Variants in CNTN5 observed in about 807,000 individuals in gnomAD.
CNTN5 encodes the protein contactin-5.
CNTN5 carries 77 observed loss-of-function variants against 129.1 expected under a neutral mutation model. The ratio of observed to expected loss-of-function variants is 0.60; its 90% CI spans 0.50 to 0.72. CNTN5 has a LOEUF of 0.72. CNTN5 is among the 30% of genes least tolerant of loss of function. CNTN5 has a pLI of 0.00. For synonymous variants in CNTN5, 509 were observed against 465.6 expected, an observed-to-expected ratio of 1.09 and a Z score of -1.20; for missense variants, 1,478 against 1,328.8, an observed-to-expected ratio of 1.11 and a Z score of -1.75.
At chr11:99,258,337 T>G (rs1028027811) in intron 1 of CNTN5, among the ~76,000 whole-genome samples, 13 of 151,994 alleles carry the variant, frequency 8.6e-5, no homozygotes, top group Non-Finnish European at 7.4e-5. Context: ...TGCTGCTCCC[T>G]TCTCTGTGAC....
chr11:99,061,991 C>CAAA, intron 1 of CNTN5, among the ~76,000 whole-genome samples: 1 of 142,860 alleles, frequency 7.0e-6, no homozygotes. Context: ...GATCCTGTCT[C>CAAA]AAAAAAAAAA....
intron 3 of CNTN5, among the ~76,000 whole-genome samples, chr11:99,727,693 T>G (rs575681860): frequency 6.6e-6 from 1 of 152,234 alleles, no homozygotes; most frequent in African/African-American, 2.4e-5. Flanking sequence ...TGAAGAGATA[T>G]ATGGGTTCAC....
intron 7 of CNTN5, among the ~76,000 whole-genome samples, chr11:99,929,964 C>T (rs1950154118): frequency 1.3e-5 from 2 of 152,206 alleles, no homozygotes; most frequent in Non-Finnish European, 2.9e-5. Flanking sequence ...AAGTTGGAAA[C>T]TCAAAAGATT....
intron 1 of CNTN5, among the ~76,000 whole-genome samples, chr11:99,170,817 T>C (rs7120353): frequency 0.13 from 19,714 of 152,208 alleles, 1,796 homozygotes; most frequent in African/African-American, 0.26. Context: ...TAAGTTCAAT[T>C]CCTTATAATC....
chr11:99,128,521 G>A (rs1027791517), intron 1 of CNTN5, among the ~76,000 whole-genome samples: 1 of 152,316 alleles, frequency 6.6e-6, no homozygotes, highest in East Asian at 1.9e-4. Flanking sequence ...AGGAGGAGCG[G>A]CCAAGGTGTC....
chr11:99,166,040 A>G (rs1329860268), intron 1 of CNTN5, among the ~76,000 whole-genome samples: 2 of 152,142 alleles, frequency 1.3e-5, no homozygotes, highest in Admixed American at 6.5e-5. Flanking sequence ...TTACAATTTT[A>G]TTTCTGAATC....
At chr11:100,037,084 A>G (rs1942060062) in intron 9 of CNTN5, among the ~76,000 whole-genome samples, 1 of 152,016 alleles carries the variant, frequency 6.6e-6, no homozygotes. Context: ...TTGCCCATTC[A>G]CTATGATATT....
intron 2 of CNTN5, among the ~76,000 whole-genome samples, chr11:99,421,695 G>C (rs1177261657): frequency 1.3e-5 from 2 of 151,048 alleles, no homozygotes; most frequent in Non-Finnish European, 3.0e-5. Flanking sequence ...TATACATTTA[G>C]GGGTAATTTC....
intron 2 of CNTN5, among the ~76,000 whole-genome samples, chr11:99,481,971 G>A (rs1309290432): frequency 6.6e-6 from 1 of 152,124 alleles, no homozygotes; most frequent in East Asian, 1.9e-4. Context: ...AATGTTATAA[G>A]AATGATTTAA....
At chr11:99,411,348 A>C (rs1942381779) in intron 2 of CNTN5, among the ~76,000 whole-genome samples, 1 of 152,068 alleles carries the variant, frequency 6.6e-6, no homozygotes, top group Admixed American at 6.5e-5. Flanking sequence ...GTGAAACCCC[A>C]TATCCACAAA....
chr11:99,333,958 T>TCC (rs1866109826), intron 2 of CNTN5, among the ~76,000 whole-genome samples: 1 of 61,026 alleles, frequency 1.6e-5, no homozygotes, highest in Middle Eastern at 6.9e-3. Context: ...TCATCAACTT[T>TCC]CTCTCTCTCT....
chr11:99,855,831 AG>A (rs2135743190), intron 6 of CNTN5, among the ~76,000 whole-genome samples: 1 of 152,336 alleles, frequency 6.6e-6, no homozygotes, highest in South Asian at 2.1e-4. Flanking sequence ...TATATCAGCC[AG>A]GAAGGTATAC....
intron 3 of CNTN5, among the ~76,000 whole-genome samples, chr11:99,580,658 T>G (rs187971025): frequency 6.6e-4 from 100 of 152,360 alleles, no homozygotes; most frequent in African/African-American, 2.2e-3. Context: ...TTTGTAGTTC[T>G]GTGGGGTCGG....
intron 1 of CNTN5, among the ~76,000 whole-genome samples, chr11:99,028,747 C>T (rs371631818): frequency 5.3e-5 from 8 of 151,692 alleles, no homozygotes; most frequent in Non-Finnish European, 1.2e-4. Flanking sequence ...GAAAAAAATG[C>T]CATTTCTATA....
chr11:99,648,233 T>C (rs1305396608), intron 3 of CNTN5, among the ~76,000 whole-genome samples: 2 of 152,004 alleles, frequency 1.3e-5, no homozygotes, highest in Non-Finnish European at 2.9e-5. Flanking sequence ...TGTTTATTGA[T>C]TTGCATATCA....
At chr11:99,864,621 C>T (rs915661118) in intron 6 of CNTN5, among the ~76,000 whole-genome samples, 3 of 152,086 alleles carry the variant, frequency 2.0e-5, no homozygotes, top group South Asian at 2.1e-4. Flanking sequence ...CTCAGGATCT[C>T]GGCTCTGATA....
intron 8 of CNTN5, among the ~76,000 whole-genome samples, chr11:99,978,940 A>T (rs1377860648): frequency 6.6e-6 from 1 of 152,112 alleles, no homozygotes; most frequent in Non-Finnish European, 1.5e-5. Flanking sequence ...TCAGGCAGAG[A>T]GCTTTTGAGG....
At chr11:99,581,131 G>A (rs1360186763) in intron 3 of CNTN5, among the ~76,000 whole-genome samples, 1 of 141,306 alleles carries the variant, frequency 7.1e-6, no homozygotes, top group Non-Finnish European at 1.5e-5. Flanking sequence ...TTTCCATGTA[G>A]TTGAGCAGTT....
At chr11:99,302,005 A>G (rs958720755) in intron 1 of CNTN5, among the ~76,000 whole-genome samples, 1 of 151,810 alleles carries the variant, frequency 6.6e-6, no homozygotes, top group South Asian at 2.1e-4. Flanking sequence ...AAGCTTCAGT[A>G]GGAGTTATAA....
Sources: allele counts gnomAD v4.1 joint callset (sites outside exome capture counted in the v4.1 genomes callset), GRCh38; gene constraint gnomAD v4.1.1; transcripts MANE v1.5; gene names NCBI Gene and HGNC (gene_info 2026-07-23, HGNC 2026-07-21).